CCDC171: variants seen among roughly 807,000 people sequenced by gnomAD.
The protein encoded by CCDC171 is coiled-coil domain containing 171.
A neutral mutation model predicts 168.2 loss-of-function variants in CCDC171; 177 were observed. That is an observed-to-expected ratio of 1.05 (90% confidence interval 0.93 to 1.19). The LOEUF is 1.19. CCDC171 is among the 50% of genes most tolerant of loss of function. The pLI, the probability that CCDC171 is intolerant of heterozygous loss-of-function variation, is 0.00. For synonymous variants in CCDC171, 687 were observed against 540.8 expected (o/e 1.27, Z -3.75); for missense variants, 1,991 against 1,539.0 (o/e 1.29, Z -4.91).
At chr9:15,989,246 C>G (rs1297580948) in intron 3 of CCDC171, among the ~76,000 whole-genome samples, 1 of 152,094 alleles carries the variant, frequency 6.6e-6, no homozygotes, top group Non-Finnish European at 1.5e-5. Context: ...GAGGAACAAT[C>G]AGGCAGCAAC....
chr9:15,868,498 T>TGAGA (rs71325945), intron 23 of CCDC171, among the ~76,000 whole-genome samples: 106,856 of 148,986 alleles, frequency 0.72, 39,906 homozygotes, highest in East Asian at 0.87. Flanking sequence ...TGTGTGTGTG[T>TGAGA]GAGAGAGAGA....
intron 22 of CCDC171, among the ~76,000 whole-genome samples, chr9:15,847,760 A>G (rs1466727882): frequency 6.6e-6 from 1 of 152,102 alleles, no homozygotes; most frequent in Non-Finnish European, 1.5e-5. Context: ...TGCAGAATGT[A>G]TATAAATCAC....
intron 18 of CCDC171, among the ~76,000 whole-genome samples, chr9:15,769,622 G>T (rs1453088278): frequency 6.6e-6 from 1 of 152,156 alleles, no homozygotes; most frequent in Admixed American, 6.5e-5. Context: ...TGTAGTTTAT[G>T]CTCATCTTAA....
chr9:15,600,027 G>A (rs1273099837), intron 6 of CCDC171, among the ~76,000 whole-genome samples: 1 of 152,150 alleles, frequency 6.6e-6, no homozygotes, highest in Non-Finnish European at 1.5e-5. Context: ...CTCTGCATTG[G>A]CTATTCTAGT....
chr9:15,902,281 T>TACAC (rs377019076), intron 24 of CCDC171, among the ~76,000 whole-genome samples: 2 of 145,154 alleles, frequency 1.4e-5, no homozygotes, highest in African/African-American at 2.6e-5. Context: ...TATATATATA[T>TACAC]ACACACACAC....
intron 7 of CCDC171, among the ~76,000 whole-genome samples, chr9:15,639,431 C>T (rs989742603): frequency 1.3e-5 from 2 of 152,032 alleles, no homozygotes; most frequent in African/African-American, 2.4e-5. Flanking sequence ...AGTTTATTAT[C>T]ATGTTAATCA....
At chr9:16,070,509 G>T in the CCDC171 span, among the ~76,000 whole-genome samples, 1 of 152,202 alleles carries the variant, frequency 6.6e-6, no homozygotes, top group African/African-American at 2.4e-5. Flanking sequence ...AGCAACAGTG[G>T]CTCTGGCTTG....
At chr9:15,852,808 T>G (rs1162572234) in intron 23 of CCDC171, among the ~76,000 whole-genome samples, 1 of 151,568 alleles carries the variant, frequency 6.6e-6, no homozygotes, top group Non-Finnish European at 1.5e-5. Flanking sequence ...ATCCAATTAT[T>G]CCAGCACCAT....
chr9:16,094,439 A>C, the CCDC171 span, among the ~76,000 whole-genome samples: 9 of 152,274 alleles, frequency 5.9e-5, no homozygotes, highest in African/African-American at 2.2e-4. Context: ...GGTTTAAACT[A>C]TGGTGTCAGT....
rs902722218 is a variant in CCDC171, at chr9:15,584,118, C to T, written c.352+5095C>T. On this transcript the variant is annotated intron_variant, in intron 4 of 25. Transcript: ENST00000380701. Reference sequence around the variant, plus strand: ...TCCTGACCTTGTGATCCACCCGCCTCGGCCTCCCAAAGTGCTGGGATTACA... The same window carrying T: ...TCCTGACCTTGTGATCCACCCGCCTTGGCCTCCCAAAGTGCTGGGATTACA... Among the ~76,000 whole-genome samples, 8 of 152,206 alleles carry T rather than the reference C, an allele frequency of 5.3e-5. No individual in the cohort carries two copies. The East Asian group carries it at 5.8e-4, about 11-fold the overall frequency.
At chr9:15,604,239 G>C (rs1195830313) in intron 6 of CCDC171, among the ~76,000 whole-genome samples, 1 of 151,996 alleles carries the variant, frequency 6.6e-6, no homozygotes, top group East Asian at 1.9e-4. Flanking sequence ...CTGTGCAGAA[G>C]CTCTTAAGTT....
At chr9:15,596,372 G>C (rs1443169047) in intron 6 of CCDC171, among the ~76,000 whole-genome samples, 5 of 151,678 alleles carry the variant, frequency 3.3e-5, no homozygotes, top group African/African-American at 1.2e-4. Flanking sequence ...TGGCTAGCCA[G>C]TTTTCCCAGC....
At chr9:15,606,196 A>G (rs2043215959) in intron 6 of CCDC171, among the ~76,000 whole-genome samples, 1 of 152,194 alleles carries the variant, frequency 6.6e-6, no homozygotes, top group Admixed American at 6.5e-5. Context: ...ACTCAGGGTA[A>G]CTGAAAGGGA....
intron 11 of CCDC171, among the ~76,000 whole-genome samples, chr9:15,701,755 A>G (rs926548357): frequency 1.3e-5 from 2 of 152,088 alleles, no homozygotes; most frequent in African/African-American, 4.8e-5. Context: ...GTAATATCCT[A>G]AATCCTTTAT....
chr9:16,097,006 C>A, the CCDC171 span, among the ~76,000 whole-genome samples: 1 of 151,962 alleles, frequency 6.6e-6, no homozygotes, highest in African/African-American at 2.4e-5. Flanking sequence ...AATAGAAATT[C>A]GGAAAGAAGA....
chr9:15,576,133 TTGTGTG>T (rs202239015), intron 3 of CCDC171, among the ~76,000 whole-genome samples: 19 of 145,414 alleles, frequency 1.3e-4, no homozygotes, highest in African/African-American at 3.1e-4. Context: ...CATATTTCAG[TTGTGTG>T]TGTGTGTGTG....
chr9:15,865,221 A>G (rs2061724690), intron 23 of CCDC171, among the ~76,000 whole-genome samples: 1 of 152,102 alleles, frequency 6.6e-6, no homozygotes, highest in Non-Finnish European at 1.5e-5. Context: ...TTTAAAACCT[A>G]GAACCCATCA....
chr9:15,879,755 G>T (rs1818366771), intron 24 of CCDC171, among the ~76,000 whole-genome samples: 4 of 152,034 alleles, frequency 2.6e-5, no homozygotes, highest in Admixed American at 2.6e-4. Flanking sequence ...TGAGTTTTTG[G>T]TTATTATGAA....
intron 21 of CCDC171, among the ~76,000 whole-genome samples, chr9:15,802,562 C>T (rs541968172): frequency 6.6e-6 from 1 of 152,274 alleles, no homozygotes; most frequent in South Asian, 2.1e-4. Context: ...CCAGCTCCAT[C>T]TATGTCCCTG....
Sources: allele counts gnomAD v4.1 joint callset (sites outside exome capture counted in the v4.1 genomes callset), GRCh38; gene constraint gnomAD v4.1.1; transcripts MANE v1.5; gene names NCBI Gene and HGNC (gene_info 2026-07-23, HGNC 2026-07-21).